ENG: variants seen among roughly 807,000 people sequenced by gnomAD.
The protein encoded by ENG is CD105 antigen.
A neutral mutation model predicts 71.0 loss-of-function variants in ENG; 17 were observed. The ratio of observed to expected loss-of-function variants is 0.24; its 90% CI spans 0.16 to 0.36. ENG has a LOEUF of 0.36. ENG is among the 10% of genes least tolerant of loss of function. ENG has a pLI of 1.00. For missense variants in ENG, 749 were observed against 868.3 expected (o/e 0.86, Z 1.73); for synonymous variants, 360 against 366.9 (o/e 0.98, Z 0.21).
rs746922286 is a variant in ENG at position 127,854,256 on chromosome 9, G to A, written c.67+33C>T. On this transcript the variant is annotated intron_variant, in intron 1 of 14. Transcript: ENST00000373203. ...GGGCCTGGTCCGTGCACCGGAGGCC[G>A]AGTCTCCCCACCCTGGGTCCCTGGA... The A allele has an allele frequency of 1.3e-5, 21 of 1,560,752 alleles. No homozygotes were observed. The East Asian group carries it at 1.4e-4, about 11-fold the overall frequency.
At chr9:127,827,568 C>T (rs780476020) in intron 3 of ENG, among the ~76,000 whole-genome samples, 1 of 152,190 alleles carries the variant, frequency 6.6e-6, no homozygotes, top group Non-Finnish European at 1.5e-5. Flanking sequence ...TCTTAGTGTA[C>T]AGTCTCCAAA....
intron 8 of ENG, among the ~76,000 whole-genome samples, chr9:127,822,725 T>TA (rs1413227265): frequency 6.6e-6 from 1 of 152,244 alleles, no homozygotes; most frequent in Non-Finnish European, 1.5e-5. Context: ...ATTACATCAA[T>TA]ATAAGAAATA....
chr9:127,848,541 C>T (rs1349632649), intron 1 of ENG, among the ~76,000 whole-genome samples: 1 of 152,228 alleles, frequency 6.6e-6, no homozygotes, highest in Non-Finnish European at 1.5e-5. Flanking sequence ...ACCTTAGCCT[C>T]CCAAAACGTT....
chr9:127,843,344 G>A (rs973171661), intron 1 of ENG, 99 bp from the exon 2 acceptor site: 45 of 1,509,714 alleles, frequency 3.0e-5, no homozygotes, highest in South Asian at 1.9e-4. Flanking sequence ...ATGAGCTAAC[G>A]GCTTTCCTGC....
chr9:127,817,802 A>T, intron 12 of ENG: 1 of 498,770 alleles, frequency 2.0e-6, no homozygotes, highest in Admixed American at 3.3e-5. Context: ...TACTACATGG[A>T]TGTGCGGGTG....
intron 2 of ENG, among the ~76,000 whole-genome samples, chr9:127,837,738 G>T (rs911264390): frequency 6.6e-6 from 1 of 151,008 alleles, no homozygotes; most frequent in East Asian, 1.9e-4. Flanking sequence ...TCTCCCTCCC[G>T]CCCTTATCCA....
At chr9:127,825,059 G>GTCCTGCTGTGTCCCCAC in intron 6 of ENG, 85 bp from the exon 7 acceptor site, 1 of 1,582,980 alleles carries the variant, frequency 6.3e-7, no homozygotes, top group Non-Finnish European at 8.6e-7. Context: ...CCAGGCCTCG[G>GTCCTGCTGTGTCCCCAC]TCCTGCTGTG....
intron 1 of ENG, 84 bp from the exon 2 acceptor site, chr9:127,843,329 T>C (rs1831087824): frequency 1.3e-6 from 2 of 1,584,378 alleles, no homozygotes; most frequent in Non-Finnish European, 1.7e-6. Flanking sequence ...TCCTAGGGAC[T>C]TGACATGAGC....
intron 2 of ENG, among the ~76,000 whole-genome samples, chr9:127,834,451 C>T (rs528897961): frequency 7.2e-5 from 11 of 151,926 alleles, no homozygotes; most frequent in Non-Finnish European, 8.8e-5. Flanking sequence ...GCTCTGTTGC[C>T]CAGGCTAAAG....
intron 8 of ENG, 148 bp from the exon 9 acceptor site, chr9:127,820,185 T>C: frequency 8.5e-7 from 1 of 1,173,848 alleles, no homozygotes; most frequent in Non-Finnish European, 1.2e-6. Flanking sequence ...TTAGATGTCA[T>C]CATCCTACAC....
At chr9:127,837,211 C>CA (rs1008491419) in intron 2 of ENG, among the ~76,000 whole-genome samples, 17 of 152,248 alleles carry the variant, frequency 1.1e-4, no homozygotes, top group Admixed American at 8.5e-4. Context: ...GTGAGAACTA[C>CA]AAATCTCTCA....
intron 2 of ENG, 57 bp downstream of exon 2, chr9:127,843,037 C>T (rs1287171600): frequency 2.5e-6 from 4 of 1,611,730 alleles, no homozygotes; most frequent in Non-Finnish European, 3.4e-6. Flanking sequence ...ACCCCTCACC[C>T]CATCTGCCTT....
At chr9:127,847,520 C>T (rs1323275173) in intron 1 of ENG, among the ~76,000 whole-genome samples, 3 of 152,016 alleles carry the variant, frequency 2.0e-5, no homozygotes, top group Non-Finnish European at 2.9e-5. Flanking sequence ...TACAGTGTCT[C>T]GATCTCGGCT....
Position 127,836,323 on chromosome 9 carries a change from C to T in ENG, c.220-6496G>A, listed in dbSNP as rs567218014. ...CTCCCTGAGTGGGTGGGCGGGAGAC[C>T]GCGTTTCTATTTTTGTACCAATGTC... On this transcript the variant is annotated intron_variant, in intron 2 of 14. Transcript: ENST00000373203. The surrounding 1 kb of genome is among the most constrained non-coding windows in gnomAD (Gnocchi z 4.0). Among the ~76,000 whole-genome samples, 3 of 152,350 alleles carry T rather than the reference C, an allele frequency of 2.0e-5. No homozygotes were observed. Among genetic ancestry groups the T allele is most frequent in the Admixed American group, 6.5e-5 (1 of 15,306 alleles).
At position 127,849,275 on chromosome 9, in the gene ENG, C is replaced by T. The variant is rs183170102; in HGVS notation, c.67+5014G>A. Among the ~76,000 whole-genome samples the T allele has an allele frequency of 3.3e-5, 5 of 152,314 alleles. No homozygotes were observed. The East Asian group carries it at 5.8e-4, about 18-fold the overall frequency. On this transcript the variant is annotated intron_variant, in intron 1 of 14. Transcript: ENST00000373203. ...CCCCTCCCTTGTTCAGATGTGCTCTCGCCATTACTCCATTCTTGAATCGCA... is the reference window on the plus strand; with the variant it reads ...CCCCTCCCTTGTTCAGATGTGCTCTTGCCATTACTCCATTCTTGAATCGCA...
chr9:127,826,109 C>T (rs971116165), intron 4 of ENG, among the ~76,000 whole-genome samples: 6 of 152,162 alleles, frequency 3.9e-5, no homozygotes, highest in Admixed American at 2.0e-4. Flanking sequence ...GCTGCAGCCC[C>T]GAAACCACCC....
At chr9:127,825,062 C>G in intron 6 of ENG, 88 bp from the exon 7 acceptor site, 1 of 1,585,388 alleles carries the variant, frequency 6.3e-7, no homozygotes, top group Non-Finnish European at 8.6e-7. Context: ...GGCCTCGGTC[C>G]TGCTGTGTCC....
intron 1 of ENG, among the ~76,000 whole-genome samples, chr9:127,843,756 T>TATATATATATATATA (rs58967129): frequency 1.2e-3 from 5 of 4,230 alleles, no homozygotes; most frequent in African/African-American, 3.0e-3. Context: ...TATATATATA[T>TATATATATATATATA]TTTTTTTTTT....
chr9:127,830,578 T>C (rs1248568116), intron 2 of ENG, among the ~76,000 whole-genome samples: 1 of 149,644 alleles, frequency 6.7e-6, no homozygotes, highest in Non-Finnish European at 1.5e-5. Context: ...ACCCAGGAGG[T>C]AGAGGTTGCA....
Sources: gnomAD v4.1 joint callset for allele counts (sites outside exome capture counted in the v4.1 genomes callset) on GRCh38, gnomAD v4.1.1 for gene constraint, Gnocchi (gnomAD v3.1) non-coding constraint, MANE v1.5 for transcripts, NCBI Gene and HGNC (gene_info 2026-07-23, HGNC 2026-07-21) for gene names.